The following COPS2 variants were observed in gnomAD, a reference collection of about 807,000 sequenced individuals.
The protein encoded by COPS2 is COP9 signalosome subunit 2.
COPS2 carries 10 observed loss-of-function variants against 66.1 expected under a neutral mutation model. That is an observed-to-expected ratio of 0.15 (90% CI 0.09 to 0.26). COPS2 has a LOEUF of 0.26. COPS2 is among the 10% of genes least tolerant of loss of function. The pLI is 1.00. For missense variants in COPS2, 215 were observed against 513.3 expected (o/e 0.42, Z 5.62); for synonymous variants, 179 against 171.3 (o/e 1.04, Z -0.35).
rs55999822 is a variant in COPS2, at chr15:49,130,613, C to T, written c.1045+106G>A. On this transcript the variant is annotated intron_variant, in intron 10 of 12. Coordinates refer to ENST00000388901, the MANE Select transcript of COPS2 (RefSeq NM_004236.4). Reference sequence around the variant, plus strand: ...CATTTAGAAACATATCTATACTTTGCAATAGACAGAAAGAAAACAGCTTAA... The same window carrying T: ...CATTTAGAAACATATCTATACTTTGTAATAGACAGAAAGAAAACAGCTTAA... The T allele has an allele frequency of 6.5e-6, 4 of 614,836 alleles. No individual in the cohort carries two copies. In the Admixed American group the frequency reaches 9.7e-5, roughly 15 times the overall value. 38.1% of individuals were successfully genotyped at this position (614,836 alleles called of 1,614,324 possible). A position where few individuals can be genotyped will look rare whatever the true frequency, so the allele number is the denominator to read the frequency against.
intron 3 of COPS2, among the ~76,000 whole-genome samples, chr15:49,141,618 C>A (rs865898059): frequency 1.3e-5 from 2 of 152,180 alleles, no homozygotes; most frequent in Middle Eastern, 3.4e-3. Context: ...GTAAATTGGT[C>A]CCAGAGAAGT....
At chr15:49,137,682 G>A (rs1351292764) in intron 4 of COPS2, 4 of 407,722 alleles carry the variant, frequency 9.8e-6, no homozygotes, top group Non-Finnish European at 1.3e-5. Flanking sequence ...TAAACATAGT[G>A]CTGTAAGTTC....
intron 9 of COPS2, among the ~76,000 whole-genome samples, chr15:49,131,870 A>T (rs1338679741): frequency 6.6e-6 from 1 of 152,194 alleles, no homozygotes; most frequent in African/African-American, 2.4e-5. Flanking sequence ...AAATTGTGGG[A>T]CACCATGCAT....
intron 1 of COPS2, among the ~76,000 whole-genome samples, chr15:49,148,196 A>T (rs903339390): frequency 2.8e-4 from 42 of 152,216 alleles, no homozygotes; most frequent in Admixed American, 1.3e-4. Flanking sequence ...TCTTTAATAT[A>T]TGCCAGCAAT....
At chr15:49,137,112 T>C in intron 6 of COPS2, 38 bp downstream of exon 6, 1 of 1,276,408 alleles carries the variant, frequency 7.8e-7, no homozygotes, top group African/African-American at 1.5e-5. Flanking sequence ...TTTTTTTTAT[T>C]ATGAAGAAAT....
chr15:49,141,479 G>A (rs1173979669), intron 3 of COPS2, among the ~76,000 whole-genome samples: 2 of 151,950 alleles, frequency 1.3e-5, no homozygotes, highest in Admixed American at 6.6e-5. Context: ...ACTCCAGCCT[G>A]GGCAACAGAG....
chr15:49,142,451 C>A (rs2084295232), intron 3 of COPS2, among the ~76,000 whole-genome samples: 1 of 152,118 alleles, frequency 6.6e-6, no homozygotes, highest in Admixed American at 6.6e-5. Flanking sequence ...AACCTGGATA[C>A]AAGTACTAGT....
At position 49,127,815 on chromosome 15, in the gene COPS2, A is replaced by C. The variant is rs925983084; in HGVS notation, c.*135T>G. The C allele has an allele frequency of 3.2e-6, 3 of 937,626 alleles. No homozygotes were observed. The highest frequency in any genetic ancestry group is 3.3e-5 in the African/African-American group (2 of 59,868). The allele number at this position is 937,626 out of a possible 1,614,324, so 58.1% of individuals were successfully genotyped here. On this transcript the variant is annotated 3_prime_UTR_variant, in exon 13 of 13. Transcript: ENST00000388901. Reference sequence around the variant, plus strand: ...GCAGCAAAACACAAACCAGTTGATCAAAAAAGCACTTCTGCCATAACTCCA... The same window carrying C: ...GCAGCAAAACACAAACCAGTTGATCCAAAAAGCACTTCTGCCATAACTCCA...
intron 12 of COPS2, among the ~76,000 whole-genome samples, 153 bp downstream of exon 12, chr15:49,128,549 A>C (rs1456393747): frequency 6.6e-6 from 1 of 152,244 alleles, no homozygotes; most frequent in Non-Finnish European, 1.5e-5. Flanking sequence ...TTCATCAAAA[A>C]CCATCACACA....
chr15:49,148,912 T>C (rs1344166767), intron 1 of COPS2, among the ~76,000 whole-genome samples: 1 of 152,172 alleles, frequency 6.6e-6, no homozygotes, highest in Non-Finnish European at 1.5e-5. Flanking sequence ...TTACTCAGAA[T>C]AGGAAATCTA....
chr15:49,154,878 G>A (rs570524959), intron 1 of COPS2, among the ~76,000 whole-genome samples: 1 of 152,252 alleles, frequency 6.6e-6, no homozygotes, highest in African/African-American at 2.4e-5. Flanking sequence ...AACACCACAA[G>A]CAAAACCTCC....
chr15:49,138,339 G>A (rs778707404), intron 4 of COPS2, among the ~76,000 whole-genome samples: 2 of 152,088 alleles, frequency 1.3e-5, no homozygotes, highest in Admixed American at 6.6e-5. Flanking sequence ...CTCTATTTAT[G>A]CATGACTGCT....
chr15:49,134,586 A>T (rs370468220), intron 6 of COPS2, 72 bp from the exon 7 acceptor site: 1 of 1,202,730 alleles, frequency 8.3e-7, no homozygotes, highest in African/African-American at 1.5e-5. Context: ...TTAGCCTGGA[A>T]ATCTTACATT....
Position 49,129,473 on chromosome 15 carries a change from G to A in COPS2, c.1128+4C>T. ...ACATCATTAAAATCTATGAATATAA[G>A]TACCTTAGAAATAAAAGGAATATGT... On this transcript the variant is annotated splice_donor_region_variant and intron_variant, in intron 11 of 12. Coordinates refer to ENST00000388901, the MANE Select transcript of COPS2 (RefSeq NM_004236.4). The A allele has an allele frequency of 1.2e-5, 15 of 1,208,590 alleles. No homozygotes were observed. The highest frequency in any genetic ancestry group is 1.7e-5 in the Non-Finnish European group (15 of 878,332). 74.9% of individuals were successfully genotyped at this position (1,208,590 alleles called of 1,614,324 possible).
chr15:49,144,237 T>G lies in COPS2; in HGVS notation c.236A>C (p.Asn79Thr), dbSNP rs1241730917. The change falls in exon 3 of 13, where the codon AAC (asparagine) becomes ACC (threonine). Residue 79 changes from asparagine to threonine, a missense_variant. Physicochemically the swap from Asn to Thr is moderately conservative, Grantham distance 65 (BLOSUM62 0). Transcript: ENST00000388901. ...FKALKQMIKINFKLTNFPEMM... is the reference protein window; with the variant it reads ...FKALKQMIKITFKLTNFPEMM... ...CAAAACAAATCTTACCAACTTGAAG[T>G]TAATCTTAATCATTTGTTTCAGTGC... 1 of 1,604,994 alleles carries G rather than the reference T, an allele frequency of 6.2e-7. No individual in the cohort carries two copies. The highest frequency in any genetic ancestry group is 1.3e-5 in the African/African-American group (1 of 74,722).
At chr15:49,144,762 A>G (rs1467006284) in intron 2 of COPS2, among the ~76,000 whole-genome samples, 1 of 152,194 alleles carries the variant, frequency 6.6e-6, no homozygotes, top group Non-Finnish European at 1.5e-5. Flanking sequence ...TTTCAGGACA[A>G]TGGCCCTGCT....
chr15:49,126,320 CTA>C lies in COPS2; in HGVS notation c.*1628_*1629del, dbSNP rs1240952201. ...ACATTAACTGATTGCTTTTCTAAAT[CTA>C]AGGATTATATATTTTTAGTATAAAT... On this transcript the variant is annotated 3_prime_UTR_variant, in exon 13 of 13. Coordinates refer to ENST00000388901, the MANE Select transcript of COPS2 (RefSeq NM_004236.4). 1 of 152,340 alleles carries C rather than the reference CTA, an allele frequency of 6.6e-6. No homozygotes were observed. Among genetic ancestry groups the C allele is most frequent in the Non-Finnish European group, 1.5e-5 (1 of 67,922 alleles). 9.4% of individuals were successfully genotyped at this position (152,340 alleles called of 1,614,324 possible). A position where few individuals can be genotyped will look rare whatever the true frequency, so the allele number is the denominator to read the frequency against.
intron 3 of COPS2, among the ~76,000 whole-genome samples, chr15:49,142,212 T>C (rs563365560): frequency 1.3e-5 from 2 of 152,346 alleles, no homozygotes; most frequent in South Asian, 4.1e-4. Context: ...AAATATAATG[T>C]AGATAATTTT....
At position 49,130,792 on chromosome 15, in the gene COPS2, A is replaced by G; in HGVS notation, c.972T>C (p.Thr324=). ...TTGTTTTTAGAATCTTTTCAAATTC[A>G]GTGATGTCATTATTCTGATAGGCAC... is the stretch of plus-strand genomic sequence containing the variant. ...LVSAYQNNDI[T]EFEKILKTNH... The change falls in exon 10 of 13, where the codon ACT becomes ACC. Residue 324 remains threonine, a synonymous_variant. Coordinates refer to ENST00000388901, the MANE Select transcript of COPS2 (RefSeq NM_004236.4). 6.3e-7 allele frequency: 1 copy of G among 1,594,332 alleles called. No homozygotes were observed. Among genetic ancestry groups the G allele is most frequent in the Non-Finnish European group, 8.6e-7 (1 of 1,163,194 alleles).
Sources: allele counts gnomAD v4.1 joint callset (sites outside exome capture counted in the v4.1 genomes callset), GRCh38; gene constraint gnomAD v4.1.1; transcripts MANE v1.5; gene names NCBI Gene and HGNC (gene_info 2026-07-23, HGNC 2026-07-21).